Variants in ZSCAN1 observed in about 807,000 individuals in gnomAD.
The protein encoded by ZSCAN1 is zinc finger and SCAN domain-containing protein 1.
A neutral mutation model predicts 23.8 loss-of-function variants in ZSCAN1; 23 were observed. The observed-to-expected ratio is 0.97, with a 90% CI of 0.70 to 1.37. ZSCAN1 has a LOEUF of 1.37. ZSCAN1 is among the 40% of genes most tolerant of loss of function. The probability of loss-of-function intolerance (pLI) is 0.00; values close to 1 mark genes in which losing one functional copy is unlikely to be tolerated. For missense variants in ZSCAN1, 575 were observed against 554.0 expected, an observed-to-expected ratio of 1.04 and a Z score of -0.38; for synonymous variants, 236 against 232.3, an observed-to-expected ratio of 1.02 and a Z score of -0.15.
chr19:58,049,115 C>A lies in ZSCAN1; in HGVS notation c.466-3375C>A. On this transcript the variant is annotated intron_variant, in intron 4 of 5. Coordinates refer to ENST00000282326, the MANE Select transcript of ZSCAN1 (RefSeq NM_182572.4). This position sits in a 1 kb window ranked among gnomAD's most constrained non-coding sequence, Gnocchi z 4.5. ...TTAGTTCTTCAGAAGTAGCTGGGCT[C>A]AATCCACCCACGAAAACCTTTCGGG... 1 of 157,740 alleles carries A rather than the reference C, an allele frequency of 6.3e-6. No individual in the cohort carries two copies. The allele number at this position is 157,740 out of a possible 1,614,324, so 9.8% of individuals were successfully genotyped here. A position where few individuals can be genotyped will look rare whatever the true frequency, so the allele number is the denominator to read the frequency against.
At chr19:58,044,749 T>C (rs1245710981) in intron 4 of ZSCAN1, 2 of 727,718 alleles carry the variant, frequency 2.7e-6, no homozygotes, top group South Asian at 1.5e-5. Flanking sequence ...ATTTGGCTGC[T>C]GCACTCCCAC....
Position 58,045,218 on chromosome 19 carries a change from G to A in ZSCAN1, c.465+4674G>A, listed in dbSNP as rs1220097843. The A allele has an allele frequency of 3.6e-6, 3 of 832,840 alleles. No individual in the cohort carries two copies. The highest frequency in any genetic ancestry group is 1.7e-5 in the Admixed American group (1 of 58,378). The allele number at this position is 832,840 out of a possible 1,614,324, so 51.6% of individuals were successfully genotyped here. ...GTGCCGACCTCTTCCGCCTGGTGCC[G>A]TTCCTCCTGTTCGTGGTGGTGCCGT... On this transcript the variant is annotated intron_variant, in intron 4 of 5. Transcript: ENST00000282326. The surrounding 1 kb of genome is among the most constrained non-coding windows in gnomAD (Gnocchi z 4.3).
chr19:58,037,773 G>C lies in ZSCAN1; in HGVS notation c.-64G>C. ...TCCGCCTGCCACACCGGCTCTGTCCGGAGCCACTGGGACTCGGGATCCAGT... is the reference window on the plus strand; with the variant it reads ...TCCGCCTGCCACACCGGCTCTGTCCCGAGCCACTGGGACTCGGGATCCAGT... On this transcript the variant is annotated 5_prime_UTR_variant, in exon 3 of 6. Transcript: ENST00000282326. 3 of 1,429,960 alleles carry C rather than the reference G, an allele frequency of 2.1e-6. No individual in the cohort carries two copies. Among genetic ancestry groups the C allele is most frequent in the Non-Finnish European group, 9.1e-7 (1 of 1,095,264 alleles). 88.6% of individuals were successfully genotyped at this position (1,429,960 alleles called of 1,614,324 possible).
chr19:58,050,623 C>T (rs1317344394), intron 4 of ZSCAN1, among the ~76,000 whole-genome samples: 3 of 151,708 alleles, frequency 2.0e-5, no homozygotes, highest in Admixed American at 6.6e-5. Flanking sequence ...TGGGTTCAAA[C>T]GATTCTCCTG....
intron 4 of ZSCAN1, among the ~76,000 whole-genome samples, chr19:58,044,142 T>TGCA (rs2073807944): frequency 6.6e-6 from 1 of 151,866 alleles, no homozygotes. Context: ...CGTGGTGGTG[T>TGCA]GCACCTGTAA....
chr19:58,052,454 G>T, intron 4 of ZSCAN1, 36 bp from the exon 5 acceptor site: 1 of 1,613,174 alleles, frequency 6.2e-7, no homozygotes, highest in Middle Eastern at 1.8e-4. Flanking sequence ...GCTCCTGAGG[G>T]GCAGCTGCCG....
intron 1 of ZSCAN1, among the ~76,000 whole-genome samples, chr19:58,034,541 C>T (rs1403914397): frequency 6.6e-6 from 1 of 151,992 alleles, no homozygotes; most frequent in East Asian, 1.9e-4. Context: ...CCAAGTTCTC[C>T]CTTCCACACC....
At chr19:58,048,548 C>T (rs1009599800) in intron 4 of ZSCAN1, among the ~76,000 whole-genome samples, 5 of 152,158 alleles carry the variant, frequency 3.3e-5, no homozygotes, top group African/African-American at 9.7e-5. Context: ...GGCATGATCT[C>T]GGCTCACTGC....
In ZSCAN1 at chr19:58,040,692, C is replaced by T. The variant is rs954031656; in HGVS notation, c.465+148C>T. The T allele has an allele frequency of 9.8e-6, 7 of 715,358 alleles. No individual in the cohort carries two copies. Among genetic ancestry groups the T allele is most frequent in the African/African-American group, 7.1e-5 (4 of 56,448 alleles). 44.3% of individuals were successfully genotyped at this position (715,358 alleles called of 1,614,324 possible). On this transcript the variant is annotated intron_variant, in intron 4 of 5. Coordinates refer to ENST00000282326, the MANE Select transcript of ZSCAN1 (RefSeq NM_182572.4). This position sits in a 1 kb window ranked among gnomAD's most constrained non-coding sequence, Gnocchi z 5.8. ...CCCGGCCTCCAAACTCCCCGCCTGC[C>T]CCACAGATTCCCCAAGCTTCCTGGG... is the stretch of plus-strand genomic sequence containing the variant.
rs546837948 is a variant in ZSCAN1, at chr19:58,038,102, C to A, written c.266C>A (p.Ala89Glu). ...CTGGTGCTGGAGCAGTTCCTGGGCG[C>A]GCTGCCCAGCAAGATGCGGACCTGG... ...ELLVLEQFLG[A>E]LPSKMRTWVQ... is the part of the protein sequence containing the mutation. The change falls in exon 3 of 6, where the codon GCG becomes GAG. Residue 89 changes from alanine to glutamate, a missense_variant. Coordinates refer to ENST00000282326, the MANE Select transcript of ZSCAN1 (RefSeq NM_182572.4). 6.2e-6 allele frequency: 10 copies of A among 1,611,068 alleles called. No homozygotes were observed. In the South Asian group the frequency reaches 1.1e-4, roughly 18 times the overall value.
chr19:58,041,873 C>T (rs1477836571), intron 4 of ZSCAN1, among the ~76,000 whole-genome samples: 17 of 152,090 alleles, frequency 1.1e-4, no homozygotes, highest in Non-Finnish European at 1.6e-4. Flanking sequence ...GAGACCCTAA[C>T]TCAAAAAACA....
intron 1 of ZSCAN1, among the ~76,000 whole-genome samples, chr19:58,034,918 C>A (rs1290722236): frequency 6.6e-6 from 1 of 151,804 alleles, no homozygotes; most frequent in African/African-American, 2.4e-5. Flanking sequence ...CTTCTCAAAG[C>A]CAGAACCATT....
At chr19:58,042,805 CG>C (rs955888780) in intron 4 of ZSCAN1, among the ~76,000 whole-genome samples, 7 of 152,324 alleles carry the variant, frequency 4.6e-5, no homozygotes, top group Admixed American at 2.0e-4. Flanking sequence ...TCTCTTTTTG[CG>C]GGGGTCGTAG....
downstream of ZSCAN1, among the ~76,000 whole-genome samples, chr19:58,055,611 C>G (rs1041381692): frequency 6.6e-6 from 1 of 152,244 alleles, no homozygotes; most frequent in Non-Finnish European, 1.5e-5. Flanking sequence ...GGAAGCCCCC[C>G]TGAGCCTTCT....
intron 3 of ZSCAN1, 178 bp downstream of exon 3, chr19:58,038,384 C>T (rs2123420753): frequency 2.6e-6 from 2 of 782,780 alleles, no homozygotes; most frequent in Non-Finnish European, 4.0e-6. Context: ...ATGTGCTGCA[C>T]GCCTCATCTG....
At chr19:58,046,362 A>C in intron 4 of ZSCAN1, 1 of 929,142 alleles carries the variant, frequency 1.1e-6, no homozygotes, top group Non-Finnish European at 1.8e-6. Flanking sequence ...AATACATGGA[A>C]GGATCTAAAG....
chr19:58,051,967 C>T (rs773389524), intron 4 of ZSCAN1, among the ~76,000 whole-genome samples: 3 of 152,232 alleles, frequency 2.0e-5, no homozygotes, highest in Non-Finnish European at 4.4e-5. Context: ...CGGTTAGGTG[C>T]ATCAGAGGTC....
chr19:58,037,807 A>T lies in ZSCAN1; in HGVS notation c.-30A>T. The T allele has an allele frequency of 6.9e-7, 1 of 1,441,920 alleles. No individual in the cohort carries two copies. The highest frequency in any genetic ancestry group is 9.1e-7 in the Non-Finnish European group (1 of 1,100,910). The allele number at this position is 1,441,920 out of a possible 1,614,324, so 89.3% of individuals were successfully genotyped here. On this transcript the variant is annotated 5_prime_UTR_variant, in exon 3 of 6. Transcript: ENST00000282326. ...GGGACTCGGGATCCAGTCCACACACACCCCTCAGAGGGGCACTGTGGCCAG... is the reference window on the plus strand; with the variant it reads ...GGGACTCGGGATCCAGTCCACACACTCCCCTCAGAGGGGCACTGTGGCCAG...
chr19:58,051,574 G>A lies in ZSCAN1; in HGVS notation c.466-916G>A, dbSNP rs188072233. ...GCTTCCTTAGGCCCCTGTGCATCCAGGTAGGGTTGGGGCAGCAGAAAGCGA... is the reference window on the plus strand; with the variant it reads ...GCTTCCTTAGGCCCCTGTGCATCCAAGTAGGGTTGGGGCAGCAGAAAGCGA... On this transcript the variant is annotated intron_variant, in intron 4 of 5. Transcript: ENST00000282326. Among the ~76,000 whole-genome samples, 210 of 151,304 alleles carry A rather than the reference G, an allele frequency of 1.4e-3. 1 individual carries two copies. Among genetic ancestry groups the A allele is most frequent in the Non-Finnish European group, 2.9e-4 (20 of 67,832 alleles).
Sources: allele counts gnomAD v4.1 joint callset (sites outside exome capture counted in the v4.1 genomes callset), GRCh38; gene constraint gnomAD v4.1.1; non-coding constraint Gnocchi (gnomAD v3.1); transcripts MANE v1.5; gene names NCBI Gene and HGNC (gene_info 2026-07-23, HGNC 2026-07-21).